The following TMEM94 variants were observed in gnomAD, a reference collection of about 807,000 sequenced individuals.
The protein encoded by TMEM94 is ER Mg2+ ATPase.
TMEM94 carries 81 observed loss-of-function variants against 158.6 expected under a neutral mutation model. The ratio of observed to expected loss-of-function variants is 0.51; its 90% CI spans 0.43 to 0.61. The LOEUF is 0.61. Among genes scored for constraint, TMEM94 ranks in the 20% least tolerant of loss-of-function variants. The pLI is 0.00. For missense variants in TMEM94, 1,435 were observed against 1,762.0 expected (o/e 0.81, Z 3.32); for synonymous variants, 751 against 730.7 (o/e 1.03, Z -0.45).
At chr17:75,470,056 A>C (rs770234419) in intron 1 of TMEM94, among the ~76,000 whole-genome samples, 1 of 152,088 alleles carries the variant, frequency 6.6e-6, no homozygotes, top group Non-Finnish European at 1.5e-5. Context: ...CTGGGCAATA[A>C]GAGTGAAACT....
rs1352428204 is a variant in TMEM94 at position 75,489,767 on chromosome 17, C to T, written c.954+105C>T. On this transcript the variant is annotated intron_variant, in intron 9 of 31. Transcript: ENST00000314256. This position sits in a 1 kb window ranked among gnomAD's most constrained non-coding sequence, Gnocchi z 5.0. ...CTCCCTCTCTGCAGCCCAGAGGTCCCCTCACGCTTCAGCTTAAGAACACCT... is the reference window on the plus strand; with the variant it reads ...CTCCCTCTCTGCAGCCCAGAGGTCCTCTCACGCTTCAGCTTAAGAACACCT... 1.0e-6 allele frequency: 1 copy of T among 977,814 alleles called. No individual in the cohort carries two copies. Among genetic ancestry groups the T allele is most frequent in the Non-Finnish European group, 1.6e-6 (1 of 626,960 alleles). 60.6% of individuals were successfully genotyped at this position (977,814 alleles called of 1,614,324 possible). A position where few individuals can be genotyped will look rare whatever the true frequency, so the allele number is the denominator to read the frequency against.
In TMEM94 at chr17:75,485,906, C is replaced by T; in HGVS notation, c.180C>T (p.Asn60=). ...VWRSSFLHHS[N]RCSCFHWPGA... ...GAAGCAGCTTCCTCCACCACAGTAA[C>T]CGCTGCTCCTGCTTCCACTGGCCGG... The change falls in exon 4 of 32, where the codon AAC becomes AAT. Residue 60 remains asparagine (N), a synonymous_variant. Coordinates refer to ENST00000314256, the MANE Select transcript of TMEM94 (RefSeq NM_014738.6). This position sits in a 1 kb window ranked among gnomAD's most constrained non-coding sequence, Gnocchi z 5.5. The T allele has an allele frequency of 6.2e-7, 1 of 1,613,516 alleles. No homozygotes were observed. The highest frequency in any genetic ancestry group is 8.5e-7 in the Non-Finnish European group (1 of 1,179,808).
Position 75,488,191 on chromosome 17 carries a change from G to C in TMEM94, c.612+57G>C, listed in dbSNP as rs1387861671. Reference sequence around the variant, plus strand: ...TGCGGTGGGAACATCCACAGGCAACGATGGGAGGGTCCCCAGACTTCATCC... The same window carrying C: ...TGCGGTGGGAACATCCACAGGCAACCATGGGAGGGTCCCCAGACTTCATCC... On this transcript the variant is annotated intron_variant, in intron 6 of 31. Coordinates refer to ENST00000314256, the MANE Select transcript of TMEM94 (RefSeq NM_014738.6). 14 of 1,546,940 alleles carry C rather than the reference G, an allele frequency of 9.1e-6. No homozygotes were observed. In the South Asian group the frequency reaches 1.5e-4, roughly 16 times the overall value.
rs1424840358 is a variant in TMEM94 at position 75,487,152 on chromosome 17, G to A, written c.409+726G>A. The A allele has an allele frequency of 6.6e-6, 1 of 152,492 alleles. No individual in the cohort carries two copies. The highest frequency in any genetic ancestry group is 2.4e-5 in the African/African-American group (1 of 41,438). The allele number at this position is 152,492 out of a possible 1,614,324, so 9.4% of individuals were successfully genotyped here. On this transcript the variant is annotated intron_variant, in intron 5 of 31. Coordinates refer to ENST00000314256, the MANE Select transcript of TMEM94 (RefSeq NM_014738.6). This position sits in a 1 kb window ranked among gnomAD's most constrained non-coding sequence, Gnocchi z 4.6. ...GTGCAATGGTGATGGCAAAAGATGG[G>A]CCCTGCTTTCCGGAGCTTAGTCTCC...
intron 2 of TMEM94, among the ~76,000 whole-genome samples, chr17:75,482,404 A>T (rs562618167): frequency 6.6e-6 from 1 of 152,012 alleles, no homozygotes; most frequent in African/African-American, 2.4e-5. Context: ...GCCACTCCAT[A>T]GGCTGAGGCA....
chr17:75,486,445 A>G lies in TMEM94; in HGVS notation c.409+19A>G, dbSNP rs377313024. ...ATCCAAGGTGAGGTCAAGGGCAGGC[A>G]TATTGGTGGGAAAAGATGACCGGAC... is the stretch of plus-strand genomic sequence containing the variant. On this transcript the variant is annotated intron_variant, in intron 5 of 31. Transcript: ENST00000314256. 29 of 1,614,038 alleles carry G rather than the reference A, an allele frequency of 1.8e-5. No individual in the cohort carries two copies. The African/African-American group carries it at 3.9e-4, about 22-fold the overall frequency.
In TMEM94 at chr17:75,492,104, T is replaced by C; in HGVS notation, c.1596+204T>C. The C allele has an allele frequency of 1.3e-6, 1 of 781,182 alleles. No individual in the cohort carries two copies. Among genetic ancestry groups the C allele is most frequent in the Non-Finnish European group, 2.0e-6 (1 of 500,146 alleles). The allele number at this position is 781,182 out of a possible 1,614,324, so 48.4% of individuals were successfully genotyped here. A position where few individuals can be genotyped will look rare whatever the true frequency, so the allele number is the denominator to read the frequency against. On this transcript the variant is annotated intron_variant, in intron 14 of 31. Transcript: ENST00000314256. This position sits in a 1 kb window ranked among gnomAD's most constrained non-coding sequence, Gnocchi z 4.4. ...GAGCCTCCCCCTACCCTTCCATTCT[T>C]GTAATCGCAATCACTGGTGTCCCTA...
chr17:75,485,728 A>G lies in TMEM94; in HGVS notation c.145-143A>G, dbSNP rs751724682. On this transcript the variant is annotated intron_variant, in intron 3 of 31. Coordinates refer to ENST00000314256, the MANE Select transcript of TMEM94 (RefSeq NM_014738.6). This position sits in a 1 kb window ranked among gnomAD's most constrained non-coding sequence, Gnocchi z 5.5. ...AGTGGCTCCTGAGCCTGCTTGCTGC[A>G]GGAGCCCAACAGGCTGGAGCCCAGC... The G allele has an allele frequency of 5.2e-6, 7 of 1,338,270 alleles. No homozygotes were observed. The highest frequency in any genetic ancestry group is 7.1e-6 in the Non-Finnish European group (7 of 985,324). 82.9% of individuals were successfully genotyped at this position (1,338,270 alleles called of 1,614,324 possible). A position where few individuals can be genotyped will look rare whatever the true frequency, so the allele number is the denominator to read the frequency against.
At chr17:75,475,838 G>T (rs1452204271) in intron 2 of TMEM94, among the ~76,000 whole-genome samples, 1 of 152,192 alleles carries the variant, frequency 6.6e-6, no homozygotes, top group Non-Finnish European at 1.5e-5. Flanking sequence ...GTGCTACCTG[G>T]CAGGAAGGTG....
Position 75,485,907 on chromosome 17 carries a change from C to T in TMEM94, c.181C>T (p.Arg61Cys), listed in dbSNP as rs201430469. 5.6e-6 allele frequency: 9 copies of T among 1,613,322 alleles called. No individual in the cohort carries two copies. The highest frequency in any genetic ancestry group is 3.3e-5 in the Admixed American group (2 of 59,928). Residue 61 changes from arginine (R) to cysteine (C), a missense_variant, in exon 4 of 32, where the codon CGC (arginine) becomes TGC (cysteine). By Grantham distance (180) the Arg-to-Cys change is radical. Coordinates refer to ENST00000314256, the MANE Select transcript of TMEM94 (RefSeq NM_014738.6). The surrounding 1 kb of genome is among the most constrained non-coding windows in gnomAD (Gnocchi z 5.5). The stretch of plus-strand genomic sequence containing the variant: ...AAGCAGCTTCCTCCACCACAGTAAC[C>T]GCTGCTCCTGCTTCCACTGGCCGGG... ...WRSSFLHHSN[R>C]CSCFHWPGAS...
intron 18 of TMEM94, 122 bp downstream of exon 18, chr17:75,494,038 C>A (rs1445884633): frequency 1.6e-5 from 15 of 912,726 alleles, no homozygotes; most frequent in Non-Finnish European, 2.1e-5. Context: ...GCAGTGGCCA[C>A]AGCCCCAGGC....
chr17:75,497,799 G>A lies in TMEM94; in HGVS notation c.3426G>A (p.Lys1142=). The stretch of plus-strand genomic sequence containing the variant: ...TTTTCAGCATCTCTCTGCTGGGGAA[G>A]CCCCCCCATAGCTCCATCATGTCTA... The part of the protein sequence containing the change: ...YPLLSISLLG[K]PPHSSIMSMA... Residue 1142 remains lysine, a synonymous_variant, in exon 27 of 32, where the codon AAG becomes AAA. Transcript: ENST00000314256. 6.2e-7 allele frequency: 1 copy of A among 1,613,342 alleles called. No individual in the cohort carries two copies. Among genetic ancestry groups the A allele is most frequent in the African/African-American group, 1.3e-5 (1 of 75,020 alleles).
At chr17:75,466,966 A>C (rs997130311) in intron 1 of TMEM94, among the ~76,000 whole-genome samples, 1 of 145,550 alleles carries the variant, frequency 6.9e-6, no homozygotes, top group Non-Finnish European at 1.5e-5. Flanking sequence ...TATTAGAATA[A>C]TTTCTAAAGG....
At chr17:75,457,404 T>C (rs1183113592) in intron 1 of TMEM94, 1 of 152,266 alleles carries the variant, frequency 6.6e-6, no homozygotes, top group East Asian at 1.9e-4. Flanking sequence ...GGTCTCCTGG[T>C]TCCTAGCATG....
Position 75,498,674 on chromosome 17 carries a change from G to A in TMEM94, c.3779G>A (p.Arg1260Lys). ...THVHRTKPLW[R>K]KSPLTNLWWA... is the part of the protein sequence containing the mutation. The stretch of plus-strand genomic sequence containing the variant: ...GTGCATCGCACCAAGCCCCTGTGGA[G>A]AAAGAGCCCCTTGACCAACCTCTGG... Residue 1260 changes from arginine (R) to lysine (K), a missense_variant, in exon 30 of 32, where the codon AGA becomes AAA. By Grantham distance (26) the Arg-to-Lys change is conservative. Coordinates refer to ENST00000314256, the MANE Select transcript of TMEM94 (RefSeq NM_014738.6). The surrounding 1 kb of genome is among the most constrained non-coding windows in gnomAD (Gnocchi z 6.7). 1.3e-6 allele frequency: 2 copies of A among 1,595,594 alleles called. No homozygotes were observed. Among genetic ancestry groups the A allele is most frequent in the Non-Finnish European group, 1.7e-6 (2 of 1,170,410 alleles).
intron 2 of TMEM94, among the ~76,000 whole-genome samples, chr17:75,479,653 C>G (rs1403031482): frequency 1.3e-5 from 2 of 151,852 alleles, no homozygotes; most frequent in African/African-American, 4.8e-5. Flanking sequence ...TACAGTGGCT[C>G]ACACCTGTAA....
At chr17:75,467,811 C>A (rs1347109449) in intron 1 of TMEM94, among the ~76,000 whole-genome samples, 1 of 152,116 alleles carries the variant, frequency 6.6e-6, no homozygotes. Context: ...GGATTACAGG[C>A]GTGAGCCACC....
chr17:75,493,922 T>C lies in TMEM94; in HGVS notation c.2407+6T>C. The C allele has an allele frequency of 6.2e-7, 1 of 1,609,622 alleles. No individual in the cohort carries two copies. The highest frequency in any genetic ancestry group is 8.5e-7 in the Non-Finnish European group (1 of 1,179,336). ...CAGCAGCTGGAGCTCTGACGGTACC[T>C]CATGGGTCTGTCCAGCGGGGCTGGT... is the stretch of plus-strand genomic sequence containing the variant. On this transcript the variant is annotated splice_donor_region_variant and intron_variant, in intron 18 of 31. Coordinates refer to ENST00000314256, the MANE Select transcript of TMEM94 (RefSeq NM_014738.6).
At chr17:75,476,118 A>T (rs953435327) in intron 2 of TMEM94, among the ~76,000 whole-genome samples, 4 of 152,108 alleles carry the variant, frequency 2.6e-5, no homozygotes, top group African/African-American at 9.7e-5. Flanking sequence ...GGGACTTCTC[A>T]TGGATGATGG....
Sources: allele counts gnomAD v4.1 joint callset (sites outside exome capture counted in the v4.1 genomes callset), GRCh38; gene constraint gnomAD v4.1.1; non-coding constraint Gnocchi (gnomAD v3.1); transcripts MANE v1.5; gene names NCBI Gene and HGNC (gene_info 2026-07-23, HGNC 2026-07-21).